Variants in HDAC9 observed in about 807,000 individuals in gnomAD.
HDAC9 encodes the protein MEF-2 interacting transcription repressor (MITR) protein.
A neutral mutation model predicts 139.4 loss-of-function variants in HDAC9; 41 were observed. The ratio of observed to expected loss-of-function variants is 0.29; its 90% CI spans 0.23 to 0.38. The LOEUF (loss-of-function observed/expected upper bound fraction) is 0.38, where lower values mean the gene tolerates loss of function less well. HDAC9 is among the 10% of genes least tolerant of loss of function. The pLI, the probability that HDAC9 is intolerant of heterozygous loss-of-function variation, is 1.00. For missense variants in HDAC9, 1,147 were observed against 1,297.0 expected (o/e 0.88, Z 1.78); for synonymous variants, 517 against 476.2 (o/e 1.09, Z -1.12).
chr7:18,206,716 T>C (rs934495663), intron 2 of HDAC9, among the ~76,000 whole-genome samples: 1 of 152,140 alleles, frequency 6.6e-6, no homozygotes, highest in Admixed American at 6.6e-5. Context: ...CTTAAATAAA[T>C]GGATGGACCT....
chr7:18,717,625 T>A (rs1784802379), intron 12 of HDAC9, among the ~76,000 whole-genome samples: 2 of 152,080 alleles, frequency 1.3e-5, no homozygotes, highest in Non-Finnish European at 2.9e-5. Context: ...GAGATGGGAT[T>A]TCCCCATGTT....
Position 18,702,733 on chromosome 7 carries a change from C to T in HDAC9, c.1732-24847C>T, listed in dbSNP as rs372876238. 4.3e-4 allele frequency among the ~76,000 whole-genome samples: 66 copies of T among 152,244 alleles called. 3 individuals are homozygous for T. In the South Asian group the frequency reaches 0.013, roughly 29 times the overall value. ...CTGTCACGATTCAAGGACAACTCGG[C>T]GGAACAATTAGAATTACCATTTCCC... On this transcript the variant is annotated intron_variant, in intron 12 of 25. Coordinates refer to ENST00000686413, the MANE Select transcript of HDAC9 (RefSeq NM_178425.4).
intron 22 of HDAC9, among the ~76,000 whole-genome samples, chr7:18,913,626 A>G (rs1231986423): frequency 6.6e-6 from 1 of 152,108 alleles, no homozygotes. Flanking sequence ...ACATCACAGC[A>G]TATGTAAGTT....
At chr7:18,392,831 T>C (rs541738638) in intron 1 of HDAC9, among the ~76,000 whole-genome samples, 1 of 151,424 alleles carries the variant, frequency 6.6e-6, no homozygotes, top group Non-Finnish European at 1.5e-5. Context: ...GAATATACTT[T>C]TCCTCTCACC....
At chr7:18,780,279 G>A (rs1306707172) in intron 16 of HDAC9, among the ~76,000 whole-genome samples, 1 of 152,028 alleles carries the variant, frequency 6.6e-6, no homozygotes, top group East Asian at 1.9e-4. Context: ...TCATTACTGT[G>A]TGATAGTACT....
intron 2 of HDAC9, among the ~76,000 whole-genome samples, chr7:18,184,874 T>G (rs1381293858): frequency 6.6e-6 from 1 of 152,210 alleles, no homozygotes; most frequent in African/African-American, 2.4e-5. Flanking sequence ...TTATTAAAAT[T>G]TATGATTTAC....
At chr7:18,504,892 A>G (rs1799336802) in intron 2 of HDAC9, among the ~76,000 whole-genome samples, 1 of 152,202 alleles carries the variant, frequency 6.6e-6, no homozygotes, top group South Asian at 2.1e-4. Flanking sequence ...TTTTCTCAAA[A>G]AATATTTAGC....
intron 2 of HDAC9, among the ~76,000 whole-genome samples, chr7:18,221,531 C>G (rs1263822003): frequency 6.6e-6 from 1 of 152,106 alleles, no homozygotes; most frequent in Non-Finnish European, 1.5e-5. Flanking sequence ...TTACAGTATC[C>G]TTATAAAGCA....
At chr7:18,631,799 C>T (rs1584375920) in intron 7 of HDAC9, among the ~76,000 whole-genome samples, 1 of 151,930 alleles carries the variant, frequency 6.6e-6, no homozygotes, top group Admixed American at 6.6e-5. Context: ...TCATTGGCTA[C>T]CCTTCTTCAA....
intron 13 of HDAC9, among the ~76,000 whole-genome samples, chr7:18,741,115 C>A (rs906889165): frequency 2.0e-5 from 3 of 152,146 alleles, no homozygotes; most frequent in African/African-American, 7.2e-5. Context: ...GAAGCTACAA[C>A]ACGTTTTCCA....
At position 18,561,689 on chromosome 7, in the gene HDAC9, C is replaced by T. The variant is rs557267821; in HGVS notation, c.23-23592C>T. The stretch of plus-strand genomic sequence containing the variant: ...TTTTGGACATTTGATATAAATGAAA[C>T]GATACCAAATATGTGGTCGCTTCTG... On this transcript the variant is annotated intron_variant, in intron 2 of 25. Transcript: ENST00000686413. Among the ~76,000 whole-genome samples, 9 of 152,164 alleles carry T rather than the reference C, an allele frequency of 5.9e-5. No individual in the cohort carries two copies. In the South Asian group the frequency reaches 1.0e-3, roughly 18 times the overall value.
At chr7:18,988,411 C>T (rs966008788) in intron 25 of HDAC9, among the ~76,000 whole-genome samples, 1 of 151,828 alleles carries the variant, frequency 6.6e-6, no homozygotes, top group African/African-American at 2.4e-5. Flanking sequence ...AGTTTGATTG[C>T]ACTGTGGTCT....
At chr7:18,784,943 T>TTGTGTGTGTG (rs147840943) in intron 16 of HDAC9, among the ~76,000 whole-genome samples, 6 of 28,174 alleles carry the variant, frequency 2.1e-4, no homozygotes, top group Middle Eastern at 0.022. Context: ...TAGCAATTGC[T>TTGTGTGTGTG]TGTGTGTGTG....
intron 1 of HDAC9, among the ~76,000 whole-genome samples, chr7:18,449,815 A>G (rs978421641): frequency 7.2e-5 from 11 of 152,182 alleles, no homozygotes; most frequent in African/African-American, 2.7e-4. Context: ...TATAAAATTT[A>G]AGTTTACTAA....
chr7:18,410,640 A>G (rs1788455312), intron 1 of HDAC9, among the ~76,000 whole-genome samples: 1 of 152,140 alleles, frequency 6.6e-6, no homozygotes, highest in Admixed American at 6.5e-5. Flanking sequence ...TTAAAATCTC[A>G]TTTTAAAATG....
Position 18,611,996 on chromosome 7 carries a change from A to G in HDAC9, c.665-17354A>G, listed in dbSNP as rs115349131. 8.8e-4 allele frequency among the ~76,000 whole-genome samples: 134 copies of G among 152,268 alleles called. 1 individual carries two copies. Among genetic ancestry groups the G allele is most frequent in the African/African-American group, 3.1e-3 (128 of 41,580 alleles). On this transcript the variant is annotated intron_variant, in intron 6 of 25. Transcript: ENST00000686413. ...TGGGCTTTCCAAATATGTTTGCCAT[A>G]AACAAACTTTCAGAACTAATTTGCT...
At chr7:18,661,092 G>A (rs1792984880) in intron 11 of HDAC9, among the ~76,000 whole-genome samples, 2 of 152,150 alleles carry the variant, frequency 1.3e-5, no homozygotes, top group Admixed American at 1.3e-4. Context: ...GGGTGAAAAT[G>A]ATAGTATTTA....
intron 17 of HDAC9, among the ~76,000 whole-genome samples, chr7:18,803,021 G>A (rs922775317): frequency 7.9e-5 from 12 of 151,494 alleles, no homozygotes; most frequent in African/African-American, 2.9e-4. Flanking sequence ...ATCTTATTTT[G>A]TTTTTTCTTT....
At chr7:18,431,777 A>G (rs545066144) in intron 1 of HDAC9, among the ~76,000 whole-genome samples, 2 of 152,212 alleles carry the variant, frequency 1.3e-5, no homozygotes, top group East Asian at 3.8e-4. Flanking sequence ...ATGACTGTGA[A>G]TTTCATATCA....
Sources: allele counts gnomAD v4.1 joint callset (sites outside exome capture counted in the v4.1 genomes callset), GRCh38; gene constraint gnomAD v4.1.1; transcripts MANE v1.5; gene names NCBI Gene and HGNC (gene_info 2026-07-23, HGNC 2026-07-21).